Variants in TLN2 observed in about 807,000 individuals in gnomAD.
TLN2 encodes the protein talin 2.
In TLN2, 118 loss-of-function variants were observed where a neutral mutation model predicts 294.7. The observed-to-expected ratio is 0.40, with a 90% CI of 0.34 to 0.47. The LOEUF is 0.47. Among genes scored for constraint, TLN2 ranks in the 20% least tolerant of loss-of-function variants. The pLI is 0.84. For synonymous variants in TLN2, 1,431 were observed against 1,304.5 expected (o/e 1.10, Z -2.09); for missense variants, 3,083 against 3,282.2 (o/e 0.94, Z 1.48).
intron 45 of TLN2, chr15:62,784,988 C>T (rs1438271652): frequency 2.0e-5 from 3 of 152,126 alleles, no homozygotes; most frequent in African/African-American, 4.8e-5. Flanking sequence ...CAAAACAAAT[C>T]ACTTTCTAAT....
intron 1 of TLN2, among the ~76,000 whole-genome samples, chr15:62,554,167 GA>G (rs1415864290): frequency 6.6e-6 from 1 of 151,760 alleles, no homozygotes; most frequent in East Asian, 1.9e-4. Context: ...ACAATGTGAG[GA>G]AAACACTTTA....
intron 1 of TLN2, among the ~76,000 whole-genome samples, chr15:62,557,972 A>G (rs1220819803): frequency 6.6e-6 from 1 of 152,208 alleles, no homozygotes; most frequent in African/African-American, 2.4e-5. Flanking sequence ...GCCTCAGTGG[A>G]CTGCAGGGTT....
At chr15:62,429,148 G>C (rs1324033242) in intron 1 of TLN2, among the ~76,000 whole-genome samples, 1 of 150,950 alleles carries the variant, frequency 6.6e-6, no homozygotes, top group African/African-American at 2.4e-5. Flanking sequence ...GTAGTGGTGA[G>C]CCCTAAGCAA....
chr15:62,402,059 T>C (rs2033064343), intron 1 of TLN2, among the ~76,000 whole-genome samples: 1 of 152,202 alleles, frequency 6.6e-6, no homozygotes, highest in Admixed American at 6.5e-5. Flanking sequence ...CTCTAGTGTC[T>C]TTGAAGTGTT....
At chr15:62,743,993 C>G (rs1021051412) in intron 32 of TLN2, among the ~76,000 whole-genome samples, 1 of 152,128 alleles carries the variant, frequency 6.6e-6, no homozygotes, top group Non-Finnish European at 1.5e-5. Context: ...GATGGTCTAG[C>G]AAGCAGCACA....
chr15:62,634,073 A>G (rs987759768), intron 3 of TLN2, among the ~76,000 whole-genome samples: 1 of 152,220 alleles, frequency 6.6e-6, no homozygotes, highest in Admixed American at 6.5e-5. Context: ...GCCTCTGTAA[A>G]GGTGCCATCT....
intron 52 of TLN2, among the ~76,000 whole-genome samples, chr15:62,812,802 G>A (rs1311750057): frequency 2.6e-5 from 4 of 152,222 alleles, no homozygotes; most frequent in African/African-American, 4.8e-5. Flanking sequence ...TCTGTCCGAG[G>A]GGCGGGCGGG....
chr15:62,739,464 G>C lies in TLN2; in HGVS notation c.3804G>C (p.Glu1268Asp). 1 of 1,614,228 alleles carries C rather than the reference G, an allele frequency of 6.2e-7. No individual in the cohort carries two copies. The change falls in exon 31 of 59, where the codon GAG (glutamate) becomes GAC (aspartate). Residue 1268 changes from glutamate (E) to aspartate (D), a missense_variant. Glu to Asp is a conservative substitution (Grantham distance 45). Transcript: ENST00000636159. The stretch of plus-strand genomic sequence containing the variant: ...ATGCCACCCGGGGCCAGAGTGGAGA[G>C]TTGGCTGCAGCCTCTGGAAAGTTCA... The part of the protein sequence containing the change: ...VVHATRGQSG[E>D]LAAASGKFSD...
intron 1 of TLN2, among the ~76,000 whole-genome samples, chr15:62,573,689 C>A (rs947300666): frequency 1.3e-5 from 2 of 152,218 alleles, no homozygotes; most frequent in African/African-American, 4.8e-5. Flanking sequence ...CCCTTCCCTC[C>A]CTAGTGCATG....
chr15:62,590,793 C>T (rs529229840), intron 2 of TLN2, among the ~76,000 whole-genome samples: 2 of 152,130 alleles, frequency 1.3e-5, no homozygotes, highest in Non-Finnish European at 2.9e-5. Context: ...TGCTCTTACT[C>T]GGTAGCTGTA....
At chr15:62,453,422 C>G (rs1483682860) in intron 1 of TLN2, among the ~76,000 whole-genome samples, 1 of 152,140 alleles carries the variant, frequency 6.6e-6, no homozygotes, top group Non-Finnish European at 1.5e-5. Flanking sequence ...TGCTCTAATA[C>G]AAGGCCCTTT....
intron 1 of TLN2, among the ~76,000 whole-genome samples, chr15:62,408,777 T>G (rs192420825): frequency 6.6e-6 from 1 of 152,266 alleles, no homozygotes; most frequent in African/African-American, 2.4e-5. Context: ...TAGTCCAAAT[T>G]AATTGTATGG....
Position 62,702,813 on chromosome 15 carries a change from T to C in TLN2, c.1953T>C (p.Ser651=). The change falls in exon 19 of 59, where the codon AGT becomes AGC. Residue 651 remains serine (S), a synonymous_variant. Transcript: ENST00000636159. ...CTGCTGGCAGCATCGGACAAGCCAG[T>C]GGGGATCTTCTGAGACAGATTGGAG... ...LTAAGSIGQA[S]GDLLRQIGEN... The C allele has an allele frequency of 3.7e-6, 6 of 1,614,144 alleles. No homozygotes were observed. The highest frequency in any genetic ancestry group is 5.1e-6 in the Non-Finnish European group (6 of 1,180,014).
chr15:62,783,091 A>C (rs1271864537), intron 44 of TLN2, among the ~76,000 whole-genome samples: 1 of 152,230 alleles, frequency 6.6e-6, no homozygotes, highest in African/African-American at 2.4e-5. Context: ...CTTCATAATA[A>C]AGGCAGAACT....
intron 1 of TLN2, among the ~76,000 whole-genome samples, chr15:62,582,392 TA>T (rs1347176357): frequency 6.6e-6 from 1 of 152,126 alleles, no homozygotes; most frequent in Non-Finnish European, 1.5e-5. Context: ...GAGCTGAGGA[TA>T]AAAATATGGG....
intron 26 of TLN2, among the ~76,000 whole-genome samples, chr15:62,724,677 G>A (rs79522947): frequency 0.011 from 1,643 of 152,276 alleles, 22 homozygotes; most frequent in African/African-American, 0.036. Flanking sequence ...CTCAGCCACA[G>A]TGAATAAATG....
intron 24 of TLN2, among the ~76,000 whole-genome samples, 172 bp downstream of exon 24, chr15:62,717,861 ATGGCCTGTGTT>A (rs2140907602): frequency 6.6e-6 from 1 of 152,288 alleles, no homozygotes; most frequent in Non-Finnish European, 1.5e-5. Context: ...CATTAAGTGG[ATGGCCTGTGTT>A]TGGAAAGTGT....
chr15:62,702,957 A>C, intron 19 of TLN2, 93 bp downstream of exon 19: 5 of 1,126,114 alleles, frequency 4.4e-6, no homozygotes, highest in Non-Finnish European at 5.3e-6. Context: ...AACTAACTAA[A>C]TCTTTGAGAT....
intron 3 of TLN2, among the ~76,000 whole-genome samples, chr15:62,621,551 G>C (rs2048829875): frequency 6.6e-6 from 1 of 152,210 alleles, no homozygotes; most frequent in Non-Finnish European, 1.5e-5. Context: ...TTTAAATCCA[G>C]AGAAGTTCAG....
Sources: gnomAD v4.1 joint callset for allele counts (sites outside exome capture counted in the v4.1 genomes callset) on GRCh38, gnomAD v4.1.1 for gene constraint, MANE v1.5 for transcripts, NCBI Gene and HGNC (gene_info 2026-07-23, HGNC 2026-07-21) for gene names.